The following LRBA variants were observed in gnomAD, a reference collection of about 807,000 sequenced individuals.
The protein encoded by LRBA is LPS responsive beige-like anchor protein.
In LRBA, 176 loss-of-function variants were observed where a neutral mutation model predicts 330.0. The observed-to-expected ratio is 0.53, with a 90% confidence interval of 0.47 to 0.60. LRBA has a LOEUF of 0.60. LRBA is among the 20% of genes least tolerant of loss of function. The pLI is 0.00. For missense variants in LRBA, 3,259 were observed against 3,444.8 expected (o/e 0.95, Z 1.35); for synonymous variants, 1,230 against 1,193.0 (o/e 1.03, Z -0.64).
intron 40 of LRBA, chr4:150,580,771 T>C (rs1029266061): frequency 3.9e-5 from 6 of 152,112 alleles, no homozygotes; most frequent in African/African-American, 1.4e-4. Context: ...AAGGCTACAG[T>C]GGGTACAACT....
chr4:150,851,870 AAT>A lies in LRBA; in HGVS notation c.3825+13_3825+14del. 2.5e-6 allele frequency: 4 copies of A among 1,582,780 alleles called. No individual in the cohort carries two copies. The highest frequency in any genetic ancestry group is 3.4e-6 in the Non-Finnish European group (4 of 1,165,576). On this transcript the variant is annotated intron_variant, in intron 23 of 56. Transcript: ENST00000651943. Reference sequence around the variant, plus strand: ...CAGTGCAAAAGTACTTGAATAAGACAATATATAAAATCACCTCAAGCACATGT... The same window carrying A: ...CAGTGCAAAAGTACTTGAATAAGACAATATAAAATCACCTCAAGCACATGT...
chr4:150,517,029 A>G (rs1762428985), intron 40 of LRBA, among the ~76,000 whole-genome samples: 3 of 152,224 alleles, frequency 2.0e-5, no homozygotes, highest in Admixed American at 2.0e-4. Flanking sequence ...ATTTAAAAGA[A>G]TGAATTAAAG....
intron 29 of LRBA, among the ~76,000 whole-genome samples, chr4:150,830,418 T>G (rs988453197): frequency 6.6e-6 from 1 of 152,136 alleles, no homozygotes; most frequent in African/African-American, 2.4e-5. Flanking sequence ...AGGAACTCAG[T>G]TGAGAACAAG....
intron 37 of LRBA, among the ~76,000 whole-genome samples, chr4:150,618,838 ATG>A (rs1316286569): frequency 2.4e-5 from 2 of 82,810 alleles, no homozygotes; most frequent in Non-Finnish European, 5.2e-5. Flanking sequence ...TATTATGTAT[ATG>A]TGTGTATGTA....
chr4:150,899,034 T>C lies in LRBA; in HGVS notation c.1924+1015A>G, dbSNP rs547117202. ...AATGTATGTTATTGACTCCCCAGCA[T>C]CTATTTCTTAATTTCAAGCAACAGC... On this transcript the variant is annotated intron_variant, in intron 14 of 56. Coordinates refer to ENST00000651943, the MANE Select transcript of LRBA (RefSeq NM_001364905.1). Among the ~76,000 whole-genome samples the C allele has an allele frequency of 1.1e-3, 165 of 152,288 alleles. 1 individual carries two copies. Among genetic ancestry groups the C allele is most frequent in the Admixed American group, 4.5e-3 (69 of 15,292 alleles).
intron 37 of LRBA, among the ~76,000 whole-genome samples, chr4:150,609,454 G>A (rs1775005163): frequency 6.6e-6 from 1 of 152,144 alleles, no homozygotes; most frequent in Non-Finnish European, 1.5e-5. Flanking sequence ...AACTGAAAGA[G>A]TTACAGGAAA....
At chr4:150,704,371 CATTATT>C (rs914714803) in intron 36 of LRBA, among the ~76,000 whole-genome samples, 1 of 151,252 alleles carries the variant, frequency 6.6e-6, no homozygotes, top group African/African-American at 2.4e-5. Flanking sequence ...TTATTATTAT[CATTATT>C]ATTATTATTA....
At chr4:150,655,087 T>C (rs1463181698) in intron 37 of LRBA, among the ~76,000 whole-genome samples, 1 of 152,204 alleles carries the variant, frequency 6.6e-6, no homozygotes, top group Non-Finnish European at 1.5e-5. Context: ...TCAAATGGTA[T>C]TTCTAGTCCT....
At chr4:150,338,273 A>G (rs1735010501) in intron 48 of LRBA, among the ~76,000 whole-genome samples, 1 of 152,200 alleles carries the variant, frequency 6.6e-6, no homozygotes, top group South Asian at 2.1e-4. Flanking sequence ...CTATTTATCA[A>G]TGCAAATAGA....
Position 150,436,840 on chromosome 4 carries a change from T to C in LRBA, c.6805A>G (p.Arg2269Gly), listed in dbSNP as rs764595386. ...SKPIGALNPK[R>G]AAFFAERYES... ...TAACGCTCAGCGAAGAATGCTGCTC[T>C]TTTTGGGTTCAGAGCTCCTATTGGC... Residue 2269 changes from arginine (R) to glycine (G), a missense_variant, in exon 45 of 57, where the codon AGA becomes GGA. Transcript: ENST00000651943. 9 of 1,613,436 alleles carry C rather than the reference T, an allele frequency of 5.6e-6. No homozygotes were observed. In the South Asian group the frequency reaches 9.9e-5, roughly 18 times the overall value.
rs1741099383 is a variant in LRBA, at chr4:150,983,589, A to C, written c.216+30838T>G. Among the ~76,000 whole-genome samples, 6 of 150,414 alleles carry C rather than the reference A, an allele frequency of 4.0e-5. No homozygotes were observed. The South Asian group carries it at 1.3e-3, about 31-fold the overall frequency. On this transcript the variant is annotated intron_variant, in intron 2 of 56. Transcript: ENST00000651943. ...TGCCTCAGCCTCCCGAGTAGCTGGG[A>C]TTACAGGTGCCCGCCACCATACCTG...
At chr4:150,621,585 T>G (rs1407824260) in intron 37 of LRBA, among the ~76,000 whole-genome samples, 2 of 152,196 alleles carry the variant, frequency 1.3e-5, no homozygotes, top group African/African-American at 2.4e-5. Context: ...ATAAAATAAA[T>G]GAGCTGAATT....
chr4:150,809,907 TAC>T (rs1560850229), intron 31 of LRBA, among the ~76,000 whole-genome samples: 2 of 147,396 alleles, frequency 1.4e-5, no homozygotes, highest in East Asian at 1.9e-4. Flanking sequence ...TACGATACGA[TAC>T]GATACGATAC....
chr4:150,845,193 G>A (rs754721073), intron 26 of LRBA, among the ~76,000 whole-genome samples: 6 of 152,130 alleles, frequency 3.9e-5, no homozygotes, highest in Non-Finnish European at 7.4e-5. Flanking sequence ...TGAACTAGTC[G>A]AGGTAACAAT....
intron 36 of LRBA, among the ~76,000 whole-genome samples, chr4:150,705,761 C>T (rs1226357631): frequency 6.6e-6 from 1 of 151,938 alleles, no homozygotes; most frequent in Non-Finnish European, 1.5e-5. Context: ...TACAGAAAAA[C>T]TCCATAAAAA....
chr4:150,460,101 A>C (rs1193658293), intron 44 of LRBA, among the ~76,000 whole-genome samples: 1 of 151,696 alleles, frequency 6.6e-6, no homozygotes, highest in Non-Finnish European at 1.5e-5. Context: ...ATTGATTCCC[A>C]GTGTATCTGT....
In LRBA at chr4:150,790,428, C is replaced by T. The variant is rs561220635; in HGVS notation, c.5580+7653G>A. The stretch of plus-strand genomic sequence containing the variant: ...ACTCAAATAAAGATCAATTAATGCT[C>T]ACCAACCCATCAACCTATTTTATTT... On this transcript the variant is annotated intron_variant, in intron 34 of 56. Coordinates refer to ENST00000651943, the MANE Select transcript of LRBA (RefSeq NM_001364905.1). Among the ~76,000 whole-genome samples the T allele has an allele frequency of 6.6e-5, 10 of 152,140 alleles. No homozygotes were observed. The East Asian group carries it at 1.9e-3, about 29-fold the overall frequency.
chr4:150,935,418 T>C (rs1028638399), intron 2 of LRBA, among the ~76,000 whole-genome samples: 4 of 152,204 alleles, frequency 2.6e-5, no homozygotes, highest in Middle Eastern at 6.9e-3. Context: ...AAGTATAAAG[T>C]ATCTAGGAGT....
chr4:150,269,745 T>TAAC (rs1745823211), intron 56 of LRBA, among the ~76,000 whole-genome samples: 1 of 152,102 alleles, frequency 6.6e-6, no homozygotes, highest in Non-Finnish European at 1.5e-5. Context: ...GCCCAGGAGT[T>TAAC]TAAGACCAGC....
Sources: gnomAD v4.1 joint callset for allele counts (sites outside exome capture counted in the v4.1 genomes callset) on GRCh38, gnomAD v4.1.1 for gene constraint, MANE v1.5 for transcripts, NCBI Gene and HGNC (gene_info 2026-07-23, HGNC 2026-07-21) for gene names.